RAB10: variants seen among roughly 807,000 people sequenced by gnomAD.
The protein encoded by RAB10 is ras-related protein Rab-10.
A neutral mutation model predicts 25.7 loss-of-function variants in RAB10; 5 were observed. The observed-to-expected ratio is 0.19, with a 90% CI of 0.10 to 0.41. The LOEUF is 0.41. RAB10 is among the 10% of genes least tolerant of loss of function. The probability of loss-of-function intolerance (pLI) is 1.00; values close to 1 mark genes in which losing one functional copy is unlikely to be tolerated. For synonymous variants in RAB10, 89 were observed against 86.4 expected (o/e 1.03, Z -0.16); for missense variants, 103 against 245.8 (o/e 0.42, Z 3.89).
chr2:26,119,389 A>G (rs1667757298), intron 3 of RAB10, among the ~76,000 whole-genome samples: 1 of 152,104 alleles, frequency 6.6e-6, no homozygotes, highest in Non-Finnish European at 1.5e-5. Context: ...AGCCTGGGTG[A>G]CACAGCGAGA....
intron 1 of RAB10, among the ~76,000 whole-genome samples, chr2:26,040,344 T>C (rs189909439): frequency 2.4e-4 from 36 of 152,128 alleles, no homozygotes; most frequent in African/African-American, 8.2e-4. Context: ...TAGAGCATTC[T>C]CTATAAATGA....
rs1306276577 is a variant in RAB10 at position 26,042,070 on chromosome 2, G to GCACTA, written c.127+7335_127+7336insCACTA. Among the ~76,000 whole-genome samples the GCACTA allele has an allele frequency of 2.6e-5, 4 of 152,160 alleles. No individual in the cohort carries two copies. The East Asian group carries it at 7.7e-4, about 29-fold the overall frequency. Reference sequence around the variant, plus strand: ...TTATTAGTGATGTGGGAATTACATGGATTTGTCCCCAAAGCACAAGCTTTT... The same window carrying GCACTA: ...TTATTAGTGATGTGGGAATTACATGGCACTAATTTGTCCCCAAAGCACAAGCTTTT... On this transcript the variant is annotated intron_variant, in intron 1 of 5. Transcript: ENST00000264710.
intron 2 of RAB10, among the ~76,000 whole-genome samples, 161 bp from the exon 3 acceptor site, chr2:26,109,607 G>A (rs909418563): frequency 6.6e-6 from 1 of 152,106 alleles, no homozygotes; most frequent in Non-Finnish European, 1.5e-5. Context: ...ACTTCCTACT[G>A]TTTTCCCTTT....
At chr2:26,072,392 G>A (rs1169621402) in intron 1 of RAB10, among the ~76,000 whole-genome samples, 1 of 151,848 alleles carries the variant, frequency 6.6e-6, no homozygotes, top group Non-Finnish European at 1.5e-5. Flanking sequence ...TTCCAGCCTG[G>A]CGACAGAGTG....
intron 1 of RAB10, among the ~76,000 whole-genome samples, chr2:26,059,677 C>T (rs1410682764): frequency 6.6e-6 from 1 of 152,126 alleles, no homozygotes; most frequent in Non-Finnish European, 1.5e-5. Flanking sequence ...TTTGCATACC[C>T]ATGTTATAAC....
rs1199183833 is a variant in RAB10, at chr2:26,079,634, C to T, written c.128-19028C>T. On this transcript the variant is annotated intron_variant, in intron 1 of 5. Transcript: ENST00000264710. ...GGACTATAAATACAATTCTTTCCTC[C>T]ATCCCTCCTCCCTTTTCTCCCTCCC... Among the ~76,000 whole-genome samples, 5 of 152,054 alleles carry T rather than the reference C, an allele frequency of 3.3e-5. No homozygotes were observed. In the East Asian group the frequency reaches 9.7e-4, roughly 29 times the overall value.
At chr2:26,046,320 C>T (rs928678104) in intron 1 of RAB10, among the ~76,000 whole-genome samples, 32 of 148,952 alleles carry the variant, frequency 2.1e-4, no homozygotes, top group Non-Finnish European at 3.4e-4. Flanking sequence ...AGTGAAACTC[C>T]GTCTCAAAGA....
chr2:26,087,439 G>A (rs950977610), intron 1 of RAB10, among the ~76,000 whole-genome samples: 2 of 152,144 alleles, frequency 1.3e-5, no homozygotes, highest in Non-Finnish European at 2.9e-5. Context: ...TTTCGCTCTC[G>A]TTGCCCAGGC....
chr2:26,041,525 A>G (rs1665885344), intron 1 of RAB10, among the ~76,000 whole-genome samples: 1 of 147,454 alleles, frequency 6.8e-6, no homozygotes, highest in Non-Finnish European at 1.5e-5. Flanking sequence ...CCTGGGTGAC[A>G]AGAGTGAGAC....
intron 1 of RAB10, among the ~76,000 whole-genome samples, chr2:26,056,613 T>C (rs1471063801): frequency 6.6e-6 from 1 of 152,184 alleles, no homozygotes; most frequent in African/African-American, 2.4e-5. Context: ...CAAGATGTAT[T>C]TTAATGTATT....
chr2:26,060,491 A>T (rs1456105462), intron 1 of RAB10, among the ~76,000 whole-genome samples: 1 of 152,010 alleles, frequency 6.6e-6, no homozygotes, highest in Non-Finnish European at 1.5e-5. Context: ...ATGGGGTTTC[A>T]CCGTGTTAGC....
chr2:26,075,988 A>G (rs528621584), intron 1 of RAB10, among the ~76,000 whole-genome samples: 2 of 152,264 alleles, frequency 1.3e-5, no homozygotes, highest in South Asian at 4.1e-4. Context: ...CAATAAGGGC[A>G]GGCCAAAAAG....
chr2:26,118,032 C>T (rs185335680), intron 3 of RAB10, among the ~76,000 whole-genome samples: 459 of 148,234 alleles, frequency 3.1e-3, no homozygotes, highest in Non-Finnish European at 5.7e-3. Context: ...AGTGCAGTGG[C>T]GCAAATCTCA....
At chr2:26,088,774 G>A (rs907668223) in intron 1 of RAB10, among the ~76,000 whole-genome samples, 5 of 151,948 alleles carry the variant, frequency 3.3e-5, no homozygotes, top group Admixed American at 2.0e-4. Context: ...ACAGGCGCCC[G>A]CCACCATACC....
Position 26,118,263 on chromosome 2 carries a change from G to A in RAB10, c.327+8357G>A, listed in dbSNP as rs545070813. On this transcript the variant is annotated intron_variant, in intron 3 of 5. Coordinates refer to ENST00000264710, the MANE Select transcript of RAB10 (RefSeq NM_016131.5). ...TGGGATTACAGGCGTGAGCTACCAC[G>A]CCGGCCAAAAAGATGTTCTTTTAGC... Among the ~76,000 whole-genome samples the A allele has an allele frequency of 8.6e-5, 13 of 151,952 alleles. No homozygotes were observed. The East Asian group carries it at 1.7e-3, about 20-fold the overall frequency.
At chr2:26,117,389 G>A (rs748807889) in intron 3 of RAB10, among the ~76,000 whole-genome samples, 9 of 151,966 alleles carry the variant, frequency 5.9e-5, no homozygotes, top group African/African-American at 9.7e-5. Context: ...CGAGGCTGGC[G>A]GATCACCAGG....
At chr2:26,086,319 A>G (rs1300878372) in intron 1 of RAB10, among the ~76,000 whole-genome samples, 1 of 152,210 alleles carries the variant, frequency 6.6e-6, no homozygotes, top group Non-Finnish European at 1.5e-5. Flanking sequence ...GTGGAGTTCA[A>G]AGACGTACAA....
At chr2:26,087,066 GA>G (rs1180658934) in intron 1 of RAB10, among the ~76,000 whole-genome samples, 2 of 152,232 alleles carry the variant, frequency 1.3e-5, no homozygotes, top group Non-Finnish European at 2.9e-5. Flanking sequence ...ACAACATTAT[GA>G]ATTGTTCACT....
chr2:26,074,824 A>T (rs1202647815), intron 1 of RAB10, among the ~76,000 whole-genome samples: 2 of 152,212 alleles, frequency 1.3e-5, no homozygotes, highest in Non-Finnish European at 2.9e-5. Flanking sequence ...TAAGTTACTT[A>T]ACTTCCTTCT....
Sources: allele counts gnomAD v4.1 joint callset (sites outside exome capture counted in the v4.1 genomes callset), GRCh38; gene constraint gnomAD v4.1.1; transcripts MANE v1.5; gene names NCBI Gene and HGNC (gene_info 2026-07-23, HGNC 2026-07-21).